The following OSBPL1A variants were observed in gnomAD, a reference collection of about 807,000 sequenced individuals.
The protein encoded by OSBPL1A is oxysterol-binding protein-related protein 1.
In OSBPL1A, 80 loss-of-function variants were observed where a neutral mutation model predicts 137.1. The observed-to-expected ratio is 0.58, with a 90% CI of 0.49 to 0.70. The LOEUF is 0.70. Ranked by LOEUF, OSBPL1A falls within the 30% of genes least tolerant of loss-of-function variation. The pLI is 0.00. For missense variants in OSBPL1A, 970 were observed against 1,129.4 expected (o/e 0.86, Z 2.02); for synonymous variants, 365 against 389.7 (o/e 0.94, Z 0.75).
chr18:24,233,782 G>T (rs925508007), intron 16 of OSBPL1A, among the ~76,000 whole-genome samples: 4 of 152,044 alleles, frequency 2.6e-5, no homozygotes, highest in South Asian at 2.1e-4. Context: ...CCAAGTAGCT[G>T]GGATTACAAG....
intron 4 of OSBPL1A, chr18:24,358,653 A>G: frequency 1.6e-6 from 1 of 642,906 alleles, no homozygotes; most frequent in Non-Finnish European, 2.8e-6. Flanking sequence ...AGGAAATCCT[A>G]AAGCCCAGGA....
At chr18:24,342,693 C>T (rs1239164522) in intron 4 of OSBPL1A, among the ~76,000 whole-genome samples, 1 of 151,854 alleles carries the variant, frequency 6.6e-6, no homozygotes, top group East Asian at 1.9e-4. Flanking sequence ...ATACTTATTA[C>T]CCTCATCATT....
chr18:24,239,426 A>G, intron 15 of OSBPL1A, 44 bp from the exon 16 acceptor site: 1 of 1,549,258 alleles, frequency 6.5e-7, no homozygotes, highest in Non-Finnish European at 8.9e-7. Context: ...GAGTGACAGG[A>G]GACACAGACG....
chr18:24,209,977 A>G (rs969654976), intron 17 of OSBPL1A, among the ~76,000 whole-genome samples: 37 of 152,358 alleles, frequency 2.4e-4, no homozygotes, highest in African/African-American at 8.7e-4. Context: ...AAAACTCACC[A>G]AATTTATATG....
chr18:24,322,339 T>C (rs913097858), intron 7 of OSBPL1A, among the ~76,000 whole-genome samples: 2 of 151,616 alleles, frequency 1.3e-5, no homozygotes, highest in African/African-American at 4.8e-5. Flanking sequence ...GCCAGGATGG[T>C]CTCGATCTCC....
Position 24,225,144 on chromosome 18 carries a change from A to C in OSBPL1A, c.1499T>G (p.Phe500Cys). Residue 500 changes from phenylalanine (F) to cysteine (C), a missense_variant, in exon 17 of 28, where the codon TTT becomes TGT. Transcript: ENST00000319481. ...SRLEAVTARS[F>C]EEEGEHLGSR... ...GCCCAAATGCTCTCCTTCCTCTTCA[A>C]AGGAGCGTGCTGTCACTGCTTCCAA... 2 of 1,614,162 alleles carry C rather than the reference A, an allele frequency of 1.2e-6. No homozygotes were observed. The highest frequency in any genetic ancestry group is 1.7e-6 in the Non-Finnish European group (2 of 1,180,012).
intron 16 of OSBPL1A, among the ~76,000 whole-genome samples, chr18:24,238,309 C>T (rs536507880): frequency 3.1e-4 from 47 of 151,886 alleles, no homozygotes; most frequent in Non-Finnish European, 6.2e-4. Flanking sequence ...TTCATTTTCT[C>T]CCATACAACA....
At chr18:24,339,467 T>C (rs1187085761) in intron 5 of OSBPL1A, among the ~76,000 whole-genome samples, 1 of 152,198 alleles carries the variant, frequency 6.6e-6, no homozygotes, top group Non-Finnish European at 1.5e-5. Flanking sequence ...TAAGACCACA[T>C]CAGCTGACAA....
At chr18:24,182,122 G>A (rs2086622957) in intron 18 of OSBPL1A, among the ~76,000 whole-genome samples, 2 of 152,064 alleles carry the variant, frequency 1.3e-5, no homozygotes, top group African/African-American at 4.8e-5. Flanking sequence ...GCTTATCTGA[G>A]CACACCAATC....
chr18:24,220,214 CCCT>C (rs2087843403), intron 17 of OSBPL1A, among the ~76,000 whole-genome samples: 3 of 152,232 alleles, frequency 2.0e-5, no homozygotes, highest in African/African-American at 7.2e-5. Flanking sequence ...CACAGTGGTG[CCCT>C]CGTCTGACCT....
chr18:24,254,939 T>G (rs1182774472), intron 15 of OSBPL1A, among the ~76,000 whole-genome samples: 1 of 151,822 alleles, frequency 6.6e-6, no homozygotes, highest in Non-Finnish European at 1.5e-5. Context: ...TAAACAAAAT[T>G]GACAAACCTT....
At chr18:24,249,365 G>A (rs953156360) in intron 15 of OSBPL1A, among the ~76,000 whole-genome samples, 5 of 152,256 alleles carry the variant, frequency 3.3e-5, no homozygotes, top group African/African-American at 7.2e-5. Context: ...GCAAGATGGC[G>A]GAATAGAAGC....
intron 18 of OSBPL1A, among the ~76,000 whole-genome samples, chr18:24,185,629 A>C (rs550421642): frequency 6.6e-6 from 1 of 152,210 alleles, no homozygotes; most frequent in Admixed American, 6.5e-5. Flanking sequence ...AGGTTCACCG[A>C]TTGTAACAAA....
intron 13 of OSBPL1A, 120 bp from the exon 14 acceptor site, chr18:24,303,838 T>G: frequency 1.4e-6 from 1 of 699,920 alleles, no homozygotes; most frequent in Non-Finnish European, 2.4e-6. Flanking sequence ...CAGAGACATA[T>G]GCCTTAAAGA....
At chr18:24,252,422 A>G (rs1464275836) in intron 15 of OSBPL1A, among the ~76,000 whole-genome samples, 1 of 152,160 alleles carries the variant, frequency 6.6e-6, no homozygotes. Flanking sequence ...GGTGTGATAT[A>G]TTTAAAGTGC....
At position 24,328,486 on chromosome 18, in the gene OSBPL1A, C is replaced by T. The variant is rs529057995; in HGVS notation, c.625+4456G>A. 5.3e-5 allele frequency among the ~76,000 whole-genome samples: 8 copies of T among 152,210 alleles called. No individual in the cohort carries two copies. In the East Asian group the frequency reaches 1.3e-3, roughly 26 times the overall value. On this transcript the variant is annotated intron_variant, in intron 7 of 27. Transcript: ENST00000319481. Reference sequence around the variant, plus strand: ...ACATGGGTTGATTTCTGAATTCTCTCCTCCTCCATGAACCTGTATCTGTCT... The same window carrying T: ...ACATGGGTTGATTTCTGAATTCTCTTCTCCTCCATGAACCTGTATCTGTCT...
At chr18:24,314,209 C>G in intron 12 of OSBPL1A, 40 bp downstream of exon 12, 2 of 1,353,882 alleles carry the variant, frequency 1.5e-6, no homozygotes, top group African/African-American at 2.9e-5. Context: ...TTTAAATGTT[C>G]TGTAAGTTTT....
At chr18:24,386,027 A>T (rs9946878) in intron 1 of OSBPL1A, among the ~76,000 whole-genome samples, 346 of 152,200 alleles carry the variant, frequency 2.3e-3, no homozygotes, top group African/African-American at 7.5e-3. Flanking sequence ...CATGATGAGG[A>T]TGGTTAAGGG....
chr18:24,229,317 G>C (rs973895354), intron 16 of OSBPL1A, among the ~76,000 whole-genome samples: 2 of 152,206 alleles, frequency 1.3e-5, no homozygotes, highest in Non-Finnish European at 2.9e-5. Context: ...TAAACTCTGA[G>C]CTTTGTAGTT....
Sources: allele counts gnomAD v4.1 joint callset (sites outside exome capture counted in the v4.1 genomes callset), GRCh38; gene constraint gnomAD v4.1.1; transcripts MANE v1.5; gene names NCBI Gene and HGNC (gene_info 2026-07-23, HGNC 2026-07-21).